The following ZNF215 variants were observed in gnomAD, a reference collection of about 807,000 sequenced individuals.
The protein encoded by ZNF215 is zinc finger protein 215.
In ZNF215, 24 loss-of-function variants were observed where a neutral mutation model predicts 27.2. The ratio of observed to expected loss-of-function variants is 0.88; its 90% confidence interval spans 0.64 to 1.24. The LOEUF (loss-of-function observed/expected upper bound fraction) is 1.24, where lower values mean the gene tolerates loss of function less well. ZNF215 is among the 50% of genes most tolerant of loss of function. ZNF215 has a pLI of 0.00. For synonymous variants in ZNF215, 210 were observed against 204.0 expected (o/e 1.03, Z -0.25); for missense variants, 675 against 605.7 (o/e 1.11, Z -1.20).
intron 5 of ZNF215, among the ~76,000 whole-genome samples, chr11:6,967,845 A>G (rs1460135230): frequency 1.3e-5 from 2 of 152,164 alleles, no homozygotes; most frequent in Non-Finnish European, 2.9e-5. Flanking sequence ...TTGGTGTTTT[A>G]GTCCTGAAGT....
intron 3 of ZNF215, among the ~76,000 whole-genome samples, chr11:6,932,948 A>G (rs1210655019): frequency 6.6e-6 from 1 of 152,226 alleles, no homozygotes; most frequent in African/African-American, 2.4e-5. Flanking sequence ...CACAGGCCAA[A>G]TATTTTTTAA....
chr11:6,991,310 C>T (rs928350128), downstream of ZNF215, among the ~76,000 whole-genome samples: 2 of 152,198 alleles, frequency 1.3e-5, no homozygotes, highest in African/African-American at 4.8e-5. Context: ...TGCTTCCCTC[C>T]AGGATGTCCA....
chr11:6,959,785 C>G (rs984548720), downstream of ZNF215, among the ~76,000 whole-genome samples: 1 of 152,002 alleles, frequency 6.6e-6, no homozygotes, highest in Non-Finnish European at 1.5e-5. Context: ...TAGCTGTGAC[C>G]ATTTTTTTAA....
At chr11:6,950,414 G>A (rs1467963293) in intron 6 of ZNF215, among the ~76,000 whole-genome samples, 7 of 152,102 alleles carry the variant, frequency 4.6e-5, no homozygotes, top group African/African-American at 1.7e-4. Context: ...TCATTGAGCA[G>A]TGGTTTGTAG....
At chr11:6,974,369 G>A (rs1850786404) in intron 5 of ZNF215, among the ~76,000 whole-genome samples, 1 of 152,152 alleles carries the variant, frequency 6.6e-6, no homozygotes, top group Admixed American at 6.6e-5. Flanking sequence ...GATTGACTTG[G>A]CCATGTGGGC....
intron 2 of ZNF215, among the ~76,000 whole-genome samples, chr11:6,930,801 G>C (rs1014638122): frequency 6.6e-6 from 1 of 152,184 alleles, no homozygotes; most frequent in South Asian, 2.1e-4. Context: ...GCAAACTTGG[G>C]TTAATATAAT....
At chr11:6,983,243 C>A (rs1442224145) in intron 5 of ZNF215, among the ~76,000 whole-genome samples, 4 of 152,170 alleles carry the variant, frequency 2.6e-5, no homozygotes, top group African/African-American at 9.6e-5. Flanking sequence ...CAATAACAGG[C>A]TCTGAAATTG....
Position 6,966,316 on chromosome 11 carries a change from G to A in ZNF215, c.805+10534G>A, listed in dbSNP as rs576371619. Among the ~76,000 whole-genome samples the A allele has an allele frequency of 3.3e-5, 5 of 152,120 alleles. No individual in the cohort carries two copies. The East Asian group carries it at 9.7e-4, about 29-fold the overall frequency. On this transcript the variant is annotated intron_variant, in intron 5 of 5. Coordinates refer to the ZNF215 transcript ENST00000529903. ...CACAAAGTAGAGAACAGTAGACATC[G>A]GGCCTAGCTGAGGGTGGAGGGTGGT...
In ZNF215 at chr11:6,943,190, T is replaced by G. The variant is rs139266365; in HGVS notation, c.591T>G (p.Phe197Leu). 6.2e-7 allele frequency: 1 copy of G among 1,613,532 alleles called. No homozygotes were observed. Among genetic ancestry groups the G allele is most frequent in the Non-Finnish European group, 8.5e-7 (1 of 1,179,836 alleles). The change falls in exon 5 of 7, where the codon TTT (phenylalanine) becomes TTG (leucine). Residue 197 changes from phenylalanine (F) to leucine (L), a missense_variant. Phe to Leu is a conservative substitution (Grantham distance 22). Coordinates refer to ENST00000278319, the MANE Select transcript of ZNF215 (RefSeq NM_013250.4). ...NLYRNVMLEN[F>L]RNLNSLRKAH... ...ACAGGAATGTGATGCTGGAAAACTTTAGGAACCTGAATTCATTGCGTAAAG... is the reference window on the plus strand; with the variant it reads ...ACAGGAATGTGATGCTGGAAAACTTGAGGAACCTGAATTCATTGCGTAAAG...
intron 5 of ZNF215, among the ~76,000 whole-genome samples, chr11:6,969,227 T>C (rs1478406913): frequency 6.6e-6 from 1 of 152,164 alleles, no homozygotes; most frequent in Admixed American, 6.5e-5. Context: ...TGACTTTGCT[T>C]CCAAGGATAA....
chr11:6,941,026 G>C (rs1428688271), intron 3 of ZNF215, among the ~76,000 whole-genome samples: 1 of 152,164 alleles, frequency 6.6e-6, no homozygotes, highest in Non-Finnish European at 1.5e-5. Flanking sequence ...TCACTGAATG[G>C]CTGGATAAGA....
At chr11:6,983,076 A>T (rs1412932564) in intron 5 of ZNF215, among the ~76,000 whole-genome samples, 1 of 151,882 alleles carries the variant, frequency 6.6e-6, no homozygotes, top group Non-Finnish European at 1.5e-5. Flanking sequence ...TAAAGGGGAT[A>T]TCACCACCGA....
At chr11:6,991,007 TAGGC>T (rs1262026866), downstream of ZNF215, among the ~76,000 whole-genome samples, 3 of 152,210 alleles carry the variant, frequency 2.0e-5, no homozygotes, top group African/African-American at 7.2e-5. Flanking sequence ...TATGTAGGCA[TAGGC>T]AGGAAATCAA....
chr11:6,948,105 C>T (rs1270543309), intron 6 of ZNF215, among the ~76,000 whole-genome samples: 3 of 152,144 alleles, frequency 2.0e-5, no homozygotes, highest in African/African-American at 7.2e-5. Context: ...CAAGGAGAAG[C>T]AGAATAAACT....
At chr11:6,990,236 G>A (rs918915426), downstream of ZNF215, among the ~76,000 whole-genome samples, 13 of 152,140 alleles carry the variant, frequency 8.5e-5, no homozygotes, top group African/African-American at 3.1e-4. Context: ...CTTCGTAGCA[G>A]TATGTTGGAG....
chr11:6,962,830 T>C (rs2133320962), downstream of ZNF215, among the ~76,000 whole-genome samples: 1 of 152,214 alleles, frequency 6.6e-6, no homozygotes, highest in Middle Eastern at 3.4e-3. Context: ...TGATCTAAGC[T>C]TGACATCTGG....
In ZNF215 at chr11:6,927,723, A is replaced by G. The variant is rs1849106389; in HGVS notation, c.-264A>G. On this transcript the variant is annotated 5_prime_UTR_variant, in exon 2 of 7. Coordinates refer to ENST00000278319, the MANE Select transcript of ZNF215 (RefSeq NM_013250.4). ...GTCACACCTTGGATCTCTATCATCA[A>G]AACTATTCCACCTCGGAAATCTTAC... The G allele has an allele frequency of 6.6e-6, 1 of 152,270 alleles. No individual in the cohort carries two copies. The highest frequency in any genetic ancestry group is 2.1e-4 in the South Asian group (1 of 4,832). The allele number at this position is 152,270 out of a possible 1,614,324, so 9.4% of individuals were successfully genotyped here.
chr11:6,951,118 T>G (rs1213733447), intron 6 of ZNF215, among the ~76,000 whole-genome samples: 1 of 152,248 alleles, frequency 6.6e-6, no homozygotes, highest in Non-Finnish European at 1.5e-5. Context: ...TTTCATGTGC[T>G]GCTGGATTTG....
At chr11:6,990,198 G>A (rs1851101572), downstream of ZNF215, among the ~76,000 whole-genome samples, 1 of 152,158 alleles carries the variant, frequency 6.6e-6, no homozygotes, top group African/African-American at 2.4e-5. Flanking sequence ...TGGTCTCCAT[G>A]TGTATCAGGC....
Sources: gnomAD v4.1 joint callset for allele counts (sites outside exome capture counted in the v4.1 genomes callset) on GRCh38, gnomAD v4.1.1 for gene constraint, MANE v1.5 for transcripts, NCBI Gene and HGNC (gene_info 2026-07-23, HGNC 2026-07-21) for gene names.